Variants in MSI2 observed in about 807,000 individuals in gnomAD.
MSI2 encodes the protein RNA-binding protein Musashi homolog 2.
MSI2 carries 17 observed loss-of-function variants against 45.6 expected under a neutral mutation model. The ratio of observed to expected loss-of-function variants is 0.37; its 90% confidence interval spans 0.26 to 0.56. The LOEUF is 0.56. Among genes scored for constraint, MSI2 ranks in the 20% least tolerant of loss-of-function variants. The probability of loss-of-function intolerance (pLI) is 0.77; values close to 1 mark genes in which losing one functional copy is unlikely to be tolerated. For synonymous variants in MSI2, 156 were observed against 158.2 expected, an observed-to-expected ratio of 0.99 and a Z score of 0.11; for missense variants, 293 against 444.2, an observed-to-expected ratio of 0.66 and a Z score of 3.06.
intron 5 of MSI2, among the ~76,000 whole-genome samples, chr17:57,380,181 C>T (rs1020834435): frequency 1.3e-5 from 2 of 152,084 alleles, no homozygotes; most frequent in African/African-American, 4.8e-5. Context: ...TTTGCTGAAA[C>T]GCACCCATGT....
intron 11 of MSI2, among the ~76,000 whole-genome samples, chr17:57,671,247 C>T (rs1912750110): frequency 6.6e-6 from 1 of 152,216 alleles, no homozygotes; most frequent in African/African-American, 2.4e-5. Context: ...GCTCCTGCTG[C>T]AAAAATGCCA....
At chr17:57,691,383 C>T in the MSI2 span, among the ~76,000 whole-genome samples, 6 of 152,042 alleles carry the variant, frequency 3.9e-5, no homozygotes, top group Non-Finnish European at 8.8e-5. Flanking sequence ...TTGGAATGAG[C>T]TTGTTGATTT....
intron 11 of MSI2, among the ~76,000 whole-genome samples, chr17:57,665,767 T>C (rs1912319156): frequency 6.6e-6 from 1 of 152,178 alleles, no homozygotes; most frequent in Admixed American, 6.5e-5. Context: ...GGTGGCCCCC[T>C]GGGTCCAGGC....
chr17:57,489,282 G>GCTT (rs1342513405), intron 6 of MSI2, among the ~76,000 whole-genome samples: 1 of 152,168 alleles, frequency 6.6e-6, no homozygotes, highest in Non-Finnish European at 1.5e-5. Context: ...GTCTGATGGA[G>GCTT]CTTCTCAAGG....
chr17:57,576,772 AT>A (rs745771153), intron 7 of MSI2, among the ~76,000 whole-genome samples: 2,357 of 146,510 alleles, frequency 0.016, 27 homozygotes, highest in Middle Eastern at 0.047. Context: ...AAAAAAAAAA[AT>A]GACTATAATC....
intron 7 of MSI2, among the ~76,000 whole-genome samples, chr17:57,561,667 C>A (rs932137442): frequency 6.6e-6 from 1 of 152,074 alleles, no homozygotes; most frequent in Non-Finnish European, 1.5e-5. Flanking sequence ...GCTGTGAGGA[C>A]GACAGAAAGG....
chr17:57,349,451 ATCT>A (rs1190905679), intron 5 of MSI2, among the ~76,000 whole-genome samples: 1 of 152,196 alleles, frequency 6.6e-6, no homozygotes, highest in Admixed American at 6.5e-5. Flanking sequence ...TAACGTTTAA[ATCT>A]TCTTCTTAAT....
chr17:57,409,642 G>A (rs1001523974), intron 6 of MSI2, among the ~76,000 whole-genome samples: 1 of 152,160 alleles, frequency 6.6e-6, no homozygotes, highest in African/African-American at 2.4e-5. Context: ...CAGGAAGGAA[G>A]AATCTGATGG....
intron 6 of MSI2, among the ~76,000 whole-genome samples, chr17:57,420,689 C>T (rs900556700): frequency 6.6e-6 from 1 of 152,220 alleles, no homozygotes; most frequent in Non-Finnish European, 1.5e-5. Context: ...CTCCAACCAC[C>T]CTCTTGGGTT....
intron 6 of MSI2, among the ~76,000 whole-genome samples, chr17:57,464,215 G>T (rs1180436870): frequency 6.6e-6 from 1 of 152,168 alleles, no homozygotes; most frequent in Non-Finnish European, 1.5e-5. Context: ...GGCTGAGGCA[G>T]ATGGATCACT....
intron 9 of MSI2, among the ~76,000 whole-genome samples, chr17:57,622,976 C>A (rs772443457): frequency 6.6e-6 from 1 of 152,096 alleles, no homozygotes; most frequent in African/African-American, 2.4e-5. Flanking sequence ...CGCCTGTGCA[C>A]GGTAGCTGCT....
rs927509416 is a variant in MSI2, at chr17:57,408,578, G to A, written c.405+7107G>A. On this transcript the variant is annotated intron_variant, in intron 6 of 13. Transcript: ENST00000284073. ...AGCCCTTGGGCACAAAGGAGTTAAT[G>A]AGCCCTGGGTGGGTAGGGGCGGGGG... Among the ~76,000 whole-genome samples, 39 of 151,962 alleles carry A rather than the reference G, an allele frequency of 2.6e-4. 1 individual carries two copies. The highest frequency in any genetic ancestry group is 2.2e-3 in the Admixed American group (34 of 15,290).
chr17:57,469,513 C>T (rs1256016564), intron 6 of MSI2, among the ~76,000 whole-genome samples: 2 of 152,138 alleles, frequency 1.3e-5, no homozygotes, highest in Non-Finnish European at 2.9e-5. Context: ...TGATGGGGAG[C>T]GCGTGACTGT....
chr17:57,561,969 A>T (rs1361964778), intron 7 of MSI2, among the ~76,000 whole-genome samples: 1 of 152,226 alleles, frequency 6.6e-6, no homozygotes, highest in Non-Finnish European at 1.5e-5. Flanking sequence ...CTTATTATAT[A>T]TATAAGCTAC....
chr17:57,672,695 C>A (rs1044796457), intron 11 of MSI2, among the ~76,000 whole-genome samples: 1 of 152,202 alleles, frequency 6.6e-6, no homozygotes, highest in Non-Finnish European at 1.5e-5. Context: ...TAAAATGGAA[C>A]GGGCTAATTA....
At chr17:57,478,588 C>T (rs924851163) in intron 6 of MSI2, among the ~76,000 whole-genome samples, 2 of 152,190 alleles carry the variant, frequency 1.3e-5, no homozygotes, top group African/African-American at 4.8e-5. Flanking sequence ...CCAAGGCCAG[C>T]ACTGATGTCA....
chr17:57,262,309 G>C, intron 5 of MSI2, 117 bp downstream of exon 5: 1 of 1,143,070 alleles, frequency 8.7e-7, no homozygotes. Flanking sequence ...GTTCCTTCGG[G>C]GTATCAGGAC....
chr17:57,269,241 A>C (rs1001956241), intron 5 of MSI2, among the ~76,000 whole-genome samples: 4 of 152,148 alleles, frequency 2.6e-5, no homozygotes, highest in Admixed American at 2.0e-4. Flanking sequence ...GAGGCTTGCA[A>C]AGTAGGTTGG....
intron 6 of MSI2, among the ~76,000 whole-genome samples, chr17:57,502,306 T>G (rs564995886): frequency 6.6e-6 from 1 of 152,106 alleles, no homozygotes; most frequent in Non-Finnish European, 1.5e-5. Context: ...GTACAGAGTT[T>G]AAGAGCATGG....
Sources: allele counts gnomAD v4.1 joint callset (sites outside exome capture counted in the v4.1 genomes callset), GRCh38; gene constraint gnomAD v4.1.1; transcripts MANE v1.5; gene names NCBI Gene and HGNC (gene_info 2026-07-23, HGNC 2026-07-21).